The following RAB27B variants were observed in gnomAD, a reference collection of about 807,000 sequenced individuals.
The protein encoded by RAB27B is ras-related protein Rab-27B.
A neutral mutation model predicts 24.6 loss-of-function variants in RAB27B; 15 were observed. That is an observed-to-expected ratio of 0.61 (90% CI 0.41 to 0.94). The LOEUF (loss-of-function observed/expected upper bound fraction) is 0.94. Among genes scored for constraint, RAB27B ranks in the 40% least tolerant of loss-of-function variants. The pLI is 0.00. For synonymous variants in RAB27B, 105 were observed against 92.5 expected, an observed-to-expected ratio of 1.14 and a Z score of -0.78; for missense variants, 261 against 266.8, an observed-to-expected ratio of 0.98 and a Z score of 0.15.
intron 1 of RAB27B, among the ~76,000 whole-genome samples, chr18:54,847,940 G>A (rs564717903): frequency 3.3e-5 from 5 of 152,318 alleles, no homozygotes; most frequent in East Asian, 1.9e-4. Context: ...CCAGAATCAC[G>A]CAGATTCAGA....
At chr18:54,855,181 C>T (rs928632285) in intron 1 of RAB27B, among the ~76,000 whole-genome samples, 2 of 152,140 alleles carry the variant, frequency 1.3e-5, no homozygotes, top group Non-Finnish European at 2.9e-5. Context: ...AATTCATGCT[C>T]CTGTGAGAAT....
intron 1 of RAB27B, among the ~76,000 whole-genome samples, chr18:54,840,416 A>G (rs1449896364): frequency 1.3e-5 from 2 of 152,188 alleles, no homozygotes; most frequent in Non-Finnish European, 2.9e-5. Flanking sequence ...TTGCTTGTTT[A>G]CATGTAACAA....
intron 2 of RAB27B, among the ~76,000 whole-genome samples, chr18:54,754,289 C>A (rs1691925385): frequency 6.6e-6 from 1 of 152,038 alleles, no homozygotes; most frequent in African/African-American, 2.4e-5. Flanking sequence ...TTGCCTTCTA[C>A]CATAATTGTA....
At chr18:54,811,156 A>G (rs1369458813) in intron 2 of RAB27B, among the ~76,000 whole-genome samples, 1 of 152,064 alleles carries the variant, frequency 6.6e-6, no homozygotes, top group African/African-American at 2.4e-5. Flanking sequence ...TAAGTTTCCT[A>G]AAGTTTTAGA....
intron 1 of RAB27B, among the ~76,000 whole-genome samples, chr18:54,853,047 A>T (rs1424659692): frequency 1.3e-5 from 2 of 152,184 alleles, no homozygotes; most frequent in Non-Finnish European, 2.9e-5. Context: ...AGTAGGACGG[A>T]ATTCTATTCC....
At chr18:54,865,541 A>C (rs998086892) in intron 1 of RAB27B, among the ~76,000 whole-genome samples, 1 of 152,200 alleles carries the variant, frequency 6.6e-6, no homozygotes, top group African/African-American at 2.4e-5. Context: ...TTGGCTTAAT[A>C]AGCTGTAAAT....
chr18:54,803,130 AAAAT>A (rs1176396842), intron 2 of RAB27B, among the ~76,000 whole-genome samples: 1 of 152,234 alleles, frequency 6.6e-6, no homozygotes, highest in East Asian at 1.9e-4. Flanking sequence ...AGCAAGGAAA[AAAAT>A]AAATAGCATA....
intron 2 of RAB27B, among the ~76,000 whole-genome samples, chr18:54,796,351 C>T (rs1909417964): frequency 6.6e-6 from 1 of 152,194 alleles, no homozygotes. Flanking sequence ...GACCCTCTGT[C>T]TTATCGTAAG....
intron 2 of RAB27B, among the ~76,000 whole-genome samples, chr18:54,749,244 A>G (rs980138856): frequency 2.4e-4 from 37 of 152,308 alleles, no homozygotes; most frequent in African/African-American, 8.4e-4. Context: ...TGATTCTGGA[A>G]AGAGGATCTG....
At chr18:54,777,059 TAATA>T (rs1432567271) in intron 2 of RAB27B, among the ~76,000 whole-genome samples, 1 of 151,982 alleles carries the variant, frequency 6.6e-6, no homozygotes. Flanking sequence ...AAAATTAAAA[TAATA>T]AATAAATCTG....
intron 2 of RAB27B, among the ~76,000 whole-genome samples, chr18:54,726,736 C>T (rs1250073223): frequency 6.6e-6 from 1 of 151,538 alleles, no homozygotes; most frequent in Non-Finnish European, 1.5e-5. Flanking sequence ...ATAAACACTT[C>T]TACCTTCAAA....
chr18:54,802,202 C>T (rs1432007747), intron 2 of RAB27B, among the ~76,000 whole-genome samples: 1 of 152,178 alleles, frequency 6.6e-6, no homozygotes, highest in African/African-American at 2.4e-5. Flanking sequence ...TTTGCTAGAA[C>T]AGAAAACACA....
intron 2 of RAB27B, among the ~76,000 whole-genome samples, chr18:54,777,199 G>A (rs920732647): frequency 6.6e-6 from 1 of 152,150 alleles, no homozygotes; most frequent in Admixed American, 6.5e-5. Context: ...TGCATGAAAT[G>A]TTACAGGATT....
At chr18:54,775,908 C>T (rs745854956) in intron 2 of RAB27B, among the ~76,000 whole-genome samples, 1 of 152,214 alleles carries the variant, frequency 6.6e-6, no homozygotes, top group Non-Finnish European at 1.5e-5. Context: ...CCTTGCAGTG[C>T]ACCAGGCACC....
At chr18:54,771,540 A>C (rs1231095708) in intron 2 of RAB27B, among the ~76,000 whole-genome samples, 1 of 151,858 alleles carries the variant, frequency 6.6e-6, no homozygotes, top group Non-Finnish European at 1.5e-5. Flanking sequence ...TGAGGCAAGA[A>C]ATCAAAGTTG....
At chr18:54,786,814 T>G (rs180989784) in intron 2 of RAB27B, among the ~76,000 whole-genome samples, 46 of 152,342 alleles carry the variant, frequency 3.0e-4, no homozygotes, top group Admixed American at 2.8e-3. Context: ...GAAAGAGGTG[T>G]GTTGACAATT....
At chr18:54,874,448 A>G (rs1438678685) in intron 1 of RAB27B, among the ~76,000 whole-genome samples, 1 of 152,044 alleles carries the variant, frequency 6.6e-6, no homozygotes, top group Admixed American at 6.6e-5. Flanking sequence ...TAGAACTTCC[A>G]TTTTTAAAAT....
chr18:54,720,025 C>T (rs1344886655), intron 2 of RAB27B, among the ~76,000 whole-genome samples: 1 of 152,048 alleles, frequency 6.6e-6, no homozygotes, highest in Non-Finnish European at 1.5e-5. Flanking sequence ...CAGAATTTGA[C>T]AGACACACTT....
intron 2 of RAB27B, among the ~76,000 whole-genome samples, chr18:54,729,937 A>T (rs752743917): frequency 6.6e-6 from 1 of 152,216 alleles, no homozygotes; most frequent in Non-Finnish European, 1.5e-5. Flanking sequence ...ATGACTCTCG[A>T]AGAGTTCTAA....
Sources: allele counts gnomAD v4.1 joint callset (sites outside exome capture counted in the v4.1 genomes callset), GRCh38; gene constraint gnomAD v4.1.1; transcripts MANE v1.5; gene names NCBI Gene and HGNC (gene_info 2026-07-23, HGNC 2026-07-21).